Variants in BNC2 observed in about 807,000 individuals in gnomAD.
BNC2 encodes the protein zinc finger protein basonuclin-2.
Under a neutral mutation model 76.3 loss-of-function variants are expected in BNC2, and 20 were observed. The observed-to-expected ratio is 0.26, with a 90% confidence interval of 0.18 to 0.38. The LOEUF (loss-of-function observed/expected upper bound fraction) is 0.38, where lower values mean the gene tolerates loss of function less well. Among genes scored for constraint, BNC2 ranks in the 10% least tolerant of loss-of-function variants. The pLI is 1.00. For synonymous variants in BNC2, 582 were observed against 514.8 expected (o/e 1.13, Z -1.77); for missense variants, 1,382 against 1,399.8 (o/e 0.99, Z 0.20).
intron 5 of BNC2, among the ~76,000 whole-genome samples, chr9:16,463,294 C>CT (rs34855187): frequency 0.19 from 20,135 of 105,458 alleles, 3,099 homozygotes; most frequent in African/African-American, 0.22. Context: ...GTATTAAATT[C>CT]TTTTTTTTTT....
At chr9:16,786,673 C>G (rs1826302733) in intron 1 of BNC2, among the ~76,000 whole-genome samples, 1 of 152,098 alleles carries the variant, frequency 6.6e-6, no homozygotes, top group African/African-American at 2.4e-5. Context: ...AGCTCTGAAC[C>G]CCAACTGCAG....
intron 1 of BNC2, among the ~76,000 whole-genome samples, chr9:16,747,571 C>T (rs1825048209): frequency 6.6e-6 from 1 of 152,136 alleles, no homozygotes; most frequent in African/African-American, 2.4e-5. Flanking sequence ...AGAGTTTAGT[C>T]ACTTGGCCGA....
At chr9:16,828,110 G>T (rs1818494927) in intron 1 of BNC2, among the ~76,000 whole-genome samples, 2 of 152,176 alleles carry the variant, frequency 1.3e-5, no homozygotes, top group Non-Finnish European at 2.9e-5. Context: ...AATGTAAAAA[G>T]TACCTCAGGA....
chr9:16,613,299 C>T (rs1177597582), intron 3 of BNC2, among the ~76,000 whole-genome samples: 7 of 152,054 alleles, frequency 4.6e-5, no homozygotes, highest in Non-Finnish European at 1.0e-4. Flanking sequence ...GGAAGGAAAA[C>T]GTACTGTGTT....
chr9:16,869,612 G>C (rs954937356), intron 1 of BNC2, among the ~76,000 whole-genome samples: 1 of 152,162 alleles, frequency 6.6e-6, no homozygotes, highest in African/African-American at 2.4e-5. Context: ...CCCAAGTGGG[G>C]GTAACAATAG....
At chr9:16,853,001 G>A (rs1819163821) in intron 1 of BNC2, among the ~76,000 whole-genome samples, 1 of 152,196 alleles carries the variant, frequency 6.6e-6, no homozygotes, top group Non-Finnish European at 1.5e-5. Flanking sequence ...GGATTTCACT[G>A]CAGGTATGAT....
intron 6 of BNC2, among the ~76,000 whole-genome samples, chr9:16,427,289 C>T (rs1292768676): frequency 6.6e-6 from 1 of 152,130 alleles, no homozygotes; most frequent in Non-Finnish European, 1.5e-5. Context: ...CAGGCAGAAG[C>T]AAAATTGGTC....
At chr9:16,669,001 C>T (rs945181215) in intron 3 of BNC2, among the ~76,000 whole-genome samples, 2 of 152,064 alleles carry the variant, frequency 1.3e-5, no homozygotes, top group African/African-American at 4.8e-5. Flanking sequence ...GACCCCACCC[C>T]CCTCAAGACA....
chr9:16,827,604 T>A (rs1006373165), intron 1 of BNC2, among the ~76,000 whole-genome samples: 1 of 152,190 alleles, frequency 6.6e-6, no homozygotes, highest in East Asian at 1.9e-4. Flanking sequence ...GTGACTTAAG[T>A]GCATTGGGTC....
chr9:16,512,945 G>A (rs541085310), intron 5 of BNC2, among the ~76,000 whole-genome samples: 160 of 152,232 alleles, frequency 1.1e-3, no homozygotes, highest in African/African-American at 3.6e-3. Flanking sequence ...AGACCAGCCT[G>A]GCCAACATGG....
chr9:16,456,742 A>G (rs1563792110), intron 5 of BNC2, among the ~76,000 whole-genome samples: 1 of 151,890 alleles, frequency 6.6e-6, no homozygotes, highest in Non-Finnish European at 1.5e-5. Context: ...GACATGAAAA[A>G]CTCTAGCAAA....
intron 5 of BNC2, among the ~76,000 whole-genome samples, chr9:16,452,031 C>T (rs919934001): frequency 2.0e-5 from 3 of 152,174 alleles, no homozygotes; most frequent in Non-Finnish European, 4.4e-5. Context: ...TCTAGCTGAC[C>T]TGACCTGGTC....
chr9:16,443,063 T>C (rs1264287107), intron 5 of BNC2, among the ~76,000 whole-genome samples: 15 of 87,924 alleles, frequency 1.7e-4, no homozygotes, highest in African/African-American at 8.1e-4. Context: ...TGAGACTCTG[T>C]CAAAAAAAAA....
intron 1 of BNC2, among the ~76,000 whole-genome samples, chr9:16,859,595 C>G (rs553858464): frequency 6.6e-6 from 1 of 152,160 alleles, no homozygotes; most frequent in South Asian, 2.1e-4. Context: ...GTGAAATAAG[C>G]CGGAACAAAA....
chr9:16,528,321 T>C (rs1184899727), intron 5 of BNC2, among the ~76,000 whole-genome samples: 2 of 152,154 alleles, frequency 1.3e-5, no homozygotes, highest in Non-Finnish European at 2.9e-5. Flanking sequence ...AAACAATAGG[T>C]ATGTCACAGA....
At chr9:16,858,530 A>T (rs1819318290) in intron 1 of BNC2, among the ~76,000 whole-genome samples, 1 of 152,216 alleles carries the variant, frequency 6.6e-6, no homozygotes, top group South Asian at 2.1e-4. Context: ...GCAAGAATAG[A>T]CAAATGGAAC....
intron 3 of BNC2, among the ~76,000 whole-genome samples, chr9:16,619,885 CCTTG>C (rs1820816754): frequency 6.6e-6 from 1 of 152,124 alleles, no homozygotes; most frequent in Non-Finnish European, 1.5e-5. Flanking sequence ...TTTTAAGTTT[CCTTG>C]CTTAAAATAC....
chr9:16,522,795 G>C, intron 5 of BNC2, among the ~76,000 whole-genome samples: 1 of 152,060 alleles, frequency 6.6e-6, no homozygotes. Context: ...CACCGATTTG[G>C]ACCTGCTCCA....
chr9:16,861,275 G>T (rs954727739), intron 1 of BNC2, among the ~76,000 whole-genome samples: 3 of 150,486 alleles, frequency 2.0e-5, no homozygotes, highest in African/African-American at 7.4e-5. Context: ...GATTTCTTGA[G>T]CCCAGGAGTT....
Sources: allele counts gnomAD v4.1 joint callset (sites outside exome capture counted in the v4.1 genomes callset), GRCh38; gene constraint gnomAD v4.1.1; transcripts MANE v1.5; gene names NCBI Gene and HGNC (gene_info 2026-07-23, HGNC 2026-07-21).